NRG1: variants seen among roughly 807,000 people sequenced by gnomAD.
NRG1 encodes the protein neuregulin 1.
In NRG1, 18 loss-of-function variants were observed where a neutral mutation model predicts 63.8. The observed-to-expected ratio is 0.28, with a 90% CI of 0.19 to 0.42. The LOEUF (loss-of-function observed/expected upper bound fraction) is 0.42. Ranked by LOEUF, NRG1 falls within the 10% of genes least tolerant of loss-of-function variation. The pLI is 1.00. For missense variants in NRG1, 762 were observed against 814.7 expected, an observed-to-expected ratio of 0.94 and a Z score of 0.79; for synonymous variants, 302 against 301.3, an observed-to-expected ratio of 1.00 and a Z score of -0.02.
intron 5 of NRG1, among the ~76,000 whole-genome samples, chr8:32,627,727 C>A (rs1264356758): frequency 6.6e-6 from 1 of 152,008 alleles, no homozygotes; most frequent in East Asian, 1.9e-4. Flanking sequence ...AAAAAGGATG[C>A]CTAGTTATAA....
intron 1 of NRG1, among the ~76,000 whole-genome samples, chr8:32,066,844 T>C (rs4507725): frequency 0.97 from 147,759 of 151,590 alleles, 72,110 homozygotes; most frequent in Non-Finnish European, 1. Flanking sequence ...TCCATTTGTT[T>C]GTATCCTCTT....
intron 1 of NRG1, among the ~76,000 whole-genome samples, chr8:32,229,564 C>T (rs1414847354): frequency 6.6e-6 from 1 of 152,096 alleles, no homozygotes; most frequent in African/African-American, 2.4e-5. Context: ...TAACAGACAC[C>T]CTCTGCCAGG....
At chr8:32,184,968 C>A (rs1449280165) in intron 1 of NRG1, among the ~76,000 whole-genome samples, 1 of 152,178 alleles carries the variant, frequency 6.6e-6, no homozygotes, top group East Asian at 1.9e-4. Flanking sequence ...CTCAGAGAGA[C>A]TCTTCTTTCT....
At chr8:31,821,158 T>G (rs1203980510) in intron 1 of NRG1, among the ~76,000 whole-genome samples, 1 of 152,246 alleles carries the variant, frequency 6.6e-6, no homozygotes, top group African/African-American at 2.4e-5. Context: ...TTGTACATGT[T>G]CAATACAGAT....
intron 1 of NRG1, among the ~76,000 whole-genome samples, chr8:31,855,558 T>C (rs1437494573): frequency 6.6e-6 from 1 of 152,150 alleles, no homozygotes; most frequent in African/African-American, 2.4e-5. Context: ...GGTCTTGACT[T>C]TTTATCCAGT....
At chr8:32,349,829 C>T (rs1349810878) in intron 1 of NRG1, among the ~76,000 whole-genome samples, 1 of 152,170 alleles carries the variant, frequency 6.6e-6, no homozygotes, top group East Asian at 1.9e-4. Context: ...GCTGACATTC[C>T]ATATAGCCAT....
chr8:32,233,199 T>C (rs1398529908), intron 1 of NRG1, among the ~76,000 whole-genome samples: 1 of 152,012 alleles, frequency 6.6e-6, no homozygotes, highest in African/African-American at 2.4e-5. Context: ...CCTTCCAGGC[T>C]CAAGCTGTTC....
exon 12 of NRG1, chr8:32,764,280 G>A (rs1206489303): frequency 1.2e-6 from 2 of 1,614,090 alleles, no homozygotes; most frequent in Middle Eastern, 1.7e-4. Flanking sequence ...CAGTCTTGAG[G>A]CAACACCTGC....
intron 1 of NRG1, among the ~76,000 whole-genome samples, chr8:32,133,845 C>A (rs1033332612): frequency 2.0e-5 from 3 of 152,090 alleles, no homozygotes; most frequent in East Asian, 1.9e-4. Flanking sequence ...GTAGTGATTT[C>A]TTAGGCCTGT....
chr8:32,758,932 A>G (rs1191101263), intron 9 of NRG1, among the ~76,000 whole-genome samples: 1 of 152,148 alleles, frequency 6.6e-6, no homozygotes, highest in African/African-American at 2.4e-5. Flanking sequence ...AGCCTTCTTC[A>G]CCTTGCAATA....
At chr8:31,786,141 A>T (rs1820145741) in intron 1 of NRG1, among the ~76,000 whole-genome samples, 1 of 152,192 alleles carries the variant, frequency 6.6e-6, no homozygotes, top group Admixed American at 6.5e-5. Context: ...CAATGGGGAG[A>T]TAAAATGAAT....
intron 5 of NRG1, 78 bp downstream of exon 5, chr8:32,616,963 A>G (rs76013859): frequency 6.0e-5 from 64 of 1,062,382 alleles, no homozygotes; most frequent in Non-Finnish European, 8.9e-5. Context: ...GTTCACGTCT[A>G]TCTTCTGCCC....
At chr8:31,758,988 C>T (rs543357024) in intron 1 of NRG1, among the ~76,000 whole-genome samples, 73 of 152,206 alleles carry the variant, frequency 4.8e-4, no homozygotes, top group Non-Finnish European at 9.3e-4. Flanking sequence ...TTTTAAATGG[C>T]ATTTCTCTGA....
At chr8:31,931,621 A>T (rs1367985797) in intron 1 of NRG1, among the ~76,000 whole-genome samples, 1 of 152,214 alleles carries the variant, frequency 6.6e-6, no homozygotes, top group Non-Finnish European at 1.5e-5. Context: ...GAAAAAATAA[A>T]CACATGAAGA....
chr8:31,804,809 C>T lies in NRG1; in HGVS notation c.37+165378C>T, dbSNP rs141243158. ...AACTGATTATAGATGCTAACCACAT[C>T]TAAAAAATGCCTTCATAGCAACACC... On this transcript the variant is annotated intron_variant, in intron 1 of 10. Coordinates refer to the NRG1 transcript ENST00000519301. Among the ~76,000 whole-genome samples the T allele has an allele frequency of 4.5e-3, 688 of 152,276 alleles. 8 individuals carry two copies. Among genetic ancestry groups the T allele is most frequent in the Non-Finnish European group, 5.0e-3 (338 of 68,022 alleles).
chr8:32,371,483 C>A (rs1282664100), intron 1 of NRG1, among the ~76,000 whole-genome samples: 1 of 152,172 alleles, frequency 6.6e-6, no homozygotes, highest in Admixed American at 6.5e-5. Context: ...TATCTAGTCT[C>A]CACAGCTAGC....
At chr8:32,207,522 C>A (rs1013043357) in intron 1 of NRG1, among the ~76,000 whole-genome samples, 2 of 152,152 alleles carry the variant, frequency 1.3e-5, no homozygotes, top group Admixed American at 6.6e-5. Flanking sequence ...GAAGCTACTA[C>A]TCTGTTCTTT....
chr8:31,927,439 C>CTTTTTT, intron 1 of NRG1, among the ~76,000 whole-genome samples: 1 of 68,070 alleles, frequency 1.5e-5, no homozygotes, highest in East Asian at 5.3e-4. Flanking sequence ...GAGAAAACTA[C>CTTTTTT]TTTTTTTTTT....
intron 1 of NRG1, among the ~76,000 whole-genome samples, chr8:32,428,897 TTTTG>T (rs556628262): frequency 2.6e-5 from 4 of 152,090 alleles, no homozygotes; most frequent in Admixed American, 2.0e-4. Context: ...CCAGGTAGGT[TTTTG>T]TTTGTTTGTT....
Sources: allele counts gnomAD v4.1 joint callset (sites outside exome capture counted in the v4.1 genomes callset), GRCh38; gene constraint gnomAD v4.1.1; transcripts MANE v1.5; gene names NCBI Gene and HGNC (gene_info 2026-07-23, HGNC 2026-07-21).